Variants in ILDR2 observed in about 807,000 individuals in gnomAD.
ILDR2 encodes the protein immunoglobulin like domain containing receptor 2, also known as immunoglobulin-like domain-containing receptor 2.
ILDR2 carries 25 observed loss-of-function variants against 66.8 expected under a neutral mutation model. The ratio of observed to expected loss-of-function variants is 0.37; its 90% CI spans 0.27 to 0.52. ILDR2 has a LOEUF of 0.52. Among genes scored for constraint, ILDR2 ranks in the 20% least tolerant of loss-of-function variants. The pLI, the probability that ILDR2 is intolerant of heterozygous loss-of-function variation, is 0.88. For synonymous variants in ILDR2, 367 were observed against 357.2 expected (o/e 1.03, Z -0.31); for missense variants, 827 against 876.8 (o/e 0.94, Z 0.72).
rs1659384230 is a variant in ILDR2 at position 166,908,204 on chromosome 1, A to C, written c.*11151T>G. The C allele has an allele frequency of 2.0e-5, 3 of 152,226 alleles. No individual in the cohort carries two copies. Among genetic ancestry groups the C allele is most frequent in the Admixed American group, 2.0e-4 (3 of 15,280 alleles). 9.4% of individuals were successfully genotyped at this position (152,226 alleles called of 1,614,324 possible). ...AGACTAGGTGGCTTAAATATCAGAA[A>C]TTTATTTCTCACAGTTCTAGAATCT... On this transcript the variant is annotated 3_prime_UTR_variant, in exon 10 of 10. Transcript: ENST00000271417.
chr1:166,952,733 A>AAC (rs1662055703), intron 3 of ILDR2, among the ~76,000 whole-genome samples: 1 of 152,210 alleles, frequency 6.6e-6, no homozygotes, highest in Admixed American at 6.5e-5. Flanking sequence ...TGGAACAAGT[A>AAC]ACAAACATTA....
chr1:166,906,332 T>C (rs115260713), downstream of ILDR2, among the ~76,000 whole-genome samples: 809 of 152,298 alleles, frequency 5.3e-3, 4 homozygotes, highest in African/African-American at 0.018. Flanking sequence ...GGGCGAACAC[T>C]GCAGAGGAAG....
chr1:166,933,869 A>C (rs1299071801), intron 6 of ILDR2, among the ~76,000 whole-genome samples: 1 of 152,184 alleles, frequency 6.6e-6, no homozygotes, highest in African/African-American at 2.4e-5. Context: ...CAGATGTCAG[A>C]ATTCTACTAA....
intron 3 of ILDR2, among the ~76,000 whole-genome samples, chr1:166,950,726 T>TAC (rs57212569): frequency 0.42 from 60,798 of 146,478 alleles, 12,364 homozygotes; most frequent in East Asian, 0.54. Flanking sequence ...TGATCTAAAA[T>TAC]ACACACACAC....
At chr1:166,927,820 T>C (rs1660393774) in intron 6 of ILDR2, among the ~76,000 whole-genome samples, 1 of 152,240 alleles carries the variant, frequency 6.6e-6, no homozygotes, top group Non-Finnish European at 1.5e-5. Context: ...ATTTTCCTTT[T>C]AGGAGAAGGA....
At chr1:166,926,790 C>A (rs988413588) in intron 7 of ILDR2, among the ~76,000 whole-genome samples, 1 of 151,856 alleles carries the variant, frequency 6.6e-6, no homozygotes, top group Non-Finnish European at 1.5e-5. Flanking sequence ...TGGTTCTATC[C>A]ATGGGGCATG....
At chr1:166,975,036 TCA>T (rs67253020) in intron 1 of ILDR2, among the ~76,000 whole-genome samples, 185 bp downstream of exon 1, 13 of 148,934 alleles carry the variant, frequency 8.7e-5, no homozygotes, top group African/African-American at 2.5e-4. Context: ...TCTCTCTCTC[TCA>T]CACACACACA....
chr1:166,915,374 G>A lies in ILDR2; in HGVS notation c.*3981C>T, dbSNP rs1659603509. The A allele has an allele frequency of 6.6e-6, 1 of 152,202 alleles. No individual in the cohort carries two copies. The highest frequency in any genetic ancestry group is 2.4e-5 in the African/African-American group (1 of 41,438). The allele number at this position is 152,202 out of a possible 1,614,324, so 9.4% of individuals were successfully genotyped here. Reference sequence around the variant, plus strand: ...AGCTGTTTGGAGTACCCAGAGGTATGACTTAGTGCAATGATTTCCAAATGC... The same window carrying A: ...AGCTGTTTGGAGTACCCAGAGGTATAACTTAGTGCAATGATTTCCAAATGC... On this transcript the variant is annotated 3_prime_UTR_variant, in exon 10 of 10. Transcript: ENST00000271417.
chr1:166,973,489 T>G (rs12754652), intron 1 of ILDR2, among the ~76,000 whole-genome samples: 3,127 of 152,122 alleles, frequency 0.021, 46 homozygotes, highest in Middle Eastern at 0.037. Flanking sequence ...CATAAAAAGC[T>G]GTGAGCCATC....
chr1:166,972,789 G>A (rs1304549420), intron 1 of ILDR2, among the ~76,000 whole-genome samples: 1 of 152,038 alleles, frequency 6.6e-6, no homozygotes, highest in Non-Finnish European at 1.5e-5. Flanking sequence ...AATGAATGTG[G>A]TTTTTTTCCT....
chr1:166,966,893 G>A (rs887815711), intron 1 of ILDR2, among the ~76,000 whole-genome samples: 2 of 152,140 alleles, frequency 1.3e-5, no homozygotes, highest in Non-Finnish European at 2.9e-5. Context: ...TTACCAACTT[G>A]TTATCTGTAT....
In ILDR2 at chr1:166,922,587, C is replaced by T. The variant is rs1472601137; in HGVS notation, c.1211+6G>A. 11 of 1,612,638 alleles carry T rather than the reference C, an allele frequency of 6.8e-6. No homozygotes were observed. The South Asian group carries it at 1.2e-4, about 18-fold the overall frequency. On this transcript the variant is annotated splice_donor_region_variant and intron_variant, in intron 8 of 9. Coordinates refer to ENST00000271417, the MANE Select transcript of ILDR2 (RefSeq NM_199351.3). ...ACCGACCAGACCTGCCCCTCACAGC[C>T]ATCACCTGTGCCTGAAGCTCTCTCG...
chr1:166,954,165 A>G (rs1360712216), intron 3 of ILDR2, among the ~76,000 whole-genome samples: 1 of 152,210 alleles, frequency 6.6e-6, no homozygotes, highest in Non-Finnish European at 1.5e-5. Flanking sequence ...CATGAACATT[A>G]TAATTAGCAA....
downstream of ILDR2, among the ~76,000 whole-genome samples, chr1:166,905,245 C>T (rs1246365555): frequency 1.3e-5 from 2 of 152,178 alleles, no homozygotes; most frequent in Non-Finnish European, 1.5e-5. Flanking sequence ...CCTCTTCTCT[C>T]CCACGGTCAG....
chr1:166,923,283 C>T (rs536110561), intron 7 of ILDR2, among the ~76,000 whole-genome samples: 1 of 152,326 alleles, frequency 6.6e-6, no homozygotes, highest in South Asian at 2.1e-4. Context: ...TAAGATGGAC[C>T]TTCAGAGCCA....
At position 166,952,384 on chromosome 1, in the gene ILDR2, A is replaced by ATCTTCC. The variant is rs1557949847; in HGVS notation, c.499+4348_499+4349insGGAAGA. Among the ~76,000 whole-genome samples, 13 of 152,338 alleles carry ATCTTCC rather than the reference A, an allele frequency of 8.5e-5. No homozygotes were observed. The South Asian group carries it at 2.5e-3, about 29-fold the overall frequency. On this transcript the variant is annotated intron_variant, in intron 3 of 9. Coordinates refer to ENST00000271417, the MANE Select transcript of ILDR2 (RefSeq NM_199351.3). ...CCTGTCACTGTCATCTTAAAGCACC[A>ATCTTCC]AAACACTATGCATTTCCATCTTCAC...
In ILDR2 at chr1:166,920,848, G is replaced by C. The variant is rs756118120; in HGVS notation, c.1743C>G (p.Asp581Glu). ...CGTCGTCGGACGCGTCCTCCTGGTC[G>C]TCCTGCGACGAGCCGGCCTTGTAGG... ...PGTYKAGSSQDDQEDASDDAL... is the reference protein window; with the variant it reads ...PGTYKAGSSQEDQEDASDDAL... Residue 581 changes from aspartate (D) to glutamate (E), a missense_variant, in exon 9 of 10, where the codon GAC (aspartate) becomes GAG (glutamate). This residue lies in a region of ILDR2 where 390 missense variants were observed against 353.6 expected (regional missense o/e 1.10). Coordinates refer to ENST00000271417, the MANE Select transcript of ILDR2 (RefSeq NM_199351.3). 9.9e-5 allele frequency: 149 copies of C among 1,510,744 alleles called. No homozygotes were observed. The highest frequency in any genetic ancestry group is 1.7e-4 in the Middle Eastern group (1 of 5,762). 93.6% of individuals were successfully genotyped at this position (1,510,744 alleles called of 1,614,324 possible).
At position 166,956,719 on chromosome 1, in the gene ILDR2, T is replaced by C. The variant is rs746738036; in HGVS notation, c.499+14A>G. 6.2e-6 allele frequency: 10 copies of C among 1,612,702 alleles called. 1 individual carries two copies. The highest frequency in any genetic ancestry group is 1.6e-4 in the Middle Eastern group (1 of 6,072). ...TGGTCTAAGATGAAAATGTCACCTG[T>C]TGTTTTCACTTACCCAACACCAGCA... On this transcript the variant is annotated intron_variant, in intron 3 of 9. Coordinates refer to ENST00000271417, the MANE Select transcript of ILDR2 (RefSeq NM_199351.3).
At chr1:166,929,561 G>A (rs557816155) in intron 6 of ILDR2, among the ~76,000 whole-genome samples, 30 of 152,300 alleles carry the variant, frequency 2.0e-4, no homozygotes, top group Admixed American at 3.9e-4. Flanking sequence ...CCTGGGAATT[G>A]GGGCAGGGTT....
Sources: allele counts gnomAD v4.1 joint callset (sites outside exome capture counted in the v4.1 genomes callset), GRCh38; gene constraint gnomAD v4.1.1; regional missense constraint gnomAD v4.1.1; transcripts MANE v1.5; gene names NCBI Gene and HGNC (gene_info 2026-07-23, HGNC 2026-07-21).